The following PPARD variants were observed in gnomAD, a reference collection of about 807,000 sequenced individuals.
PPARD encodes peroxisome proliferator-activated receptor delta.
PPARD carries 6 observed loss-of-function variants against 39.5 expected under a neutral mutation model. That is an observed-to-expected ratio of 0.15 (90% CI 0.08 to 0.30). The LOEUF (loss-of-function observed/expected upper bound fraction) is 0.30, where lower values mean the gene tolerates loss of function less well. Among genes scored for constraint, PPARD ranks in the 10% least tolerant of loss-of-function variants. PPARD has a pLI of 1.00. For missense variants in PPARD, 397 were observed against 596.8 expected, an observed-to-expected ratio of 0.67 and a Z score of 3.49; for synonymous variants, 210 against 231.3, an observed-to-expected ratio of 0.91 and a Z score of 0.83.
intron 2 of PPARD, among the ~76,000 whole-genome samples, chr6:35,402,229 C>G (rs767936844): frequency 1.3e-5 from 2 of 152,210 alleles, no homozygotes; most frequent in Non-Finnish European, 2.9e-5. Flanking sequence ...GAGAAAAGTA[C>G]CCTTAACATT....
intron 2 of PPARD, among the ~76,000 whole-genome samples, chr6:35,349,702 A>G (rs1189240312): frequency 6.7e-6 from 1 of 150,234 alleles, no homozygotes; most frequent in Admixed American, 6.6e-5. Flanking sequence ...TTTTTAATTT[A>G]ATGGGTACAT....
At chr6:35,377,723 G>A (rs1299880007) in intron 2 of PPARD, among the ~76,000 whole-genome samples, 2 of 152,044 alleles carry the variant, frequency 1.3e-5, no homozygotes, top group Non-Finnish European at 2.9e-5. Flanking sequence ...AGGCCTCTGC[G>A]CAATTGCACT....
intron 2 of PPARD, among the ~76,000 whole-genome samples, chr6:35,406,676 G>C (rs1428924631): frequency 6.6e-6 from 1 of 152,116 alleles, no homozygotes; most frequent in Non-Finnish European, 1.5e-5. Flanking sequence ...TAGAGACCCT[G>C]GTCCCAAATT....
intron 2 of PPARD, among the ~76,000 whole-genome samples, chr6:35,360,268 G>T (rs1761859062): frequency 6.6e-6 from 1 of 152,136 alleles, no homozygotes; most frequent in South Asian, 2.1e-4. Flanking sequence ...AAAAATCTCT[G>T]CTGTGATTAA....
intron 2 of PPARD, among the ~76,000 whole-genome samples, chr6:35,385,405 G>T (rs1265931648): frequency 2.0e-5 from 3 of 150,132 alleles, no homozygotes; most frequent in Non-Finnish European, 3.0e-5. Flanking sequence ...GGTGCAAGAT[G>T]TGCTTTGTTA....
intron 3 of PPARD, among the ~76,000 whole-genome samples, chr6:35,415,282 C>T (rs1581659101): frequency 6.6e-6 from 1 of 152,210 alleles, no homozygotes; most frequent in Non-Finnish European, 1.5e-5. Flanking sequence ...AGTAACCCAG[C>T]CTCAAATCCC....
intron 2 of PPARD, among the ~76,000 whole-genome samples, chr6:35,382,890 T>G (rs968669072): frequency 2.6e-5 from 4 of 152,210 alleles, no homozygotes; most frequent in Non-Finnish European, 5.9e-5. Flanking sequence ...TCAGTATGTG[T>G]TGTTGTTATT....
In PPARD at chr6:35,427,587, G is replaced by C. The variant is rs1282609598; in HGVS notation, c.*1508G>C. The C allele has an allele frequency of 6.6e-6, 1 of 152,446 alleles. No homozygotes were observed. Among genetic ancestry groups the C allele is most frequent in the Non-Finnish European group, 1.5e-5 (1 of 68,232 alleles). 9.4% of individuals were successfully genotyped at this position (152,446 alleles called of 1,614,324 possible). A position where few individuals can be genotyped will look rare whatever the true frequency, so the allele number is the denominator to read the frequency against. ...TTGTGGGACCAGTCCCACACCGCTG[G>C]TCCCTGCCCTCCCCTGCTCCCAGGT... On this transcript the variant is annotated 3_prime_UTR_variant, in exon 8 of 8. Transcript: ENST00000360694.
chr6:35,384,330 G>A (rs1336803186), intron 2 of PPARD, among the ~76,000 whole-genome samples: 8 of 137,794 alleles, frequency 5.8e-5, no homozygotes, highest in African/African-American at 1.7e-4. Flanking sequence ...CCTCCCGCCC[G>A]GCCAGCCGCC....
chr6:35,384,448 C>A (rs1413562902), intron 2 of PPARD, among the ~76,000 whole-genome samples: 1 of 110,742 alleles, frequency 9.0e-6, no homozygotes, highest in Non-Finnish European at 1.8e-5. Context: ...CGGGGTCAGC[C>A]CCCCGCCCGG....
At chr6:35,386,513 A>C (rs1319540410) in intron 2 of PPARD, among the ~76,000 whole-genome samples, 1 of 151,938 alleles carries the variant, frequency 6.6e-6, no homozygotes, top group Non-Finnish European at 1.5e-5. Context: ...ACAAACAAAT[A>C]CTTGGTTCAT....
chr6:35,345,338 T>C (rs1792107139), intron 1 of PPARD, among the ~76,000 whole-genome samples: 1 of 152,164 alleles, frequency 6.6e-6, no homozygotes, highest in African/African-American at 2.4e-5. Flanking sequence ...CAGGCTGGAG[T>C]GCAGTGGTGC....
chr6:35,413,538 C>G (rs1462014979), intron 3 of PPARD, among the ~76,000 whole-genome samples: 1 of 152,108 alleles, frequency 6.6e-6, no homozygotes, highest in Non-Finnish European at 1.5e-5. Context: ...GCCTGAAATC[C>G]CGACAGGTTT....
At chr6:35,369,657 T>C (rs761113431) in intron 2 of PPARD, among the ~76,000 whole-genome samples, 2 of 152,250 alleles carry the variant, frequency 1.3e-5, no homozygotes, top group Non-Finnish European at 2.9e-5. Context: ...AATTTGAATA[T>C]AGTTTTCAAG....
At position 35,355,101 on chromosome 6, in the gene PPARD, A is replaced by T. The variant is rs570239452; in HGVS notation, c.-102+7951A>T. On this transcript the variant is annotated intron_variant, in intron 2 of 7. Coordinates refer to ENST00000360694, the MANE Select transcript of PPARD (RefSeq NM_006238.5). ...CCAGCCCAGATTTACAGGCTTGGGC[A>T]TAGGGAGCCCAGCCTCAGCCTGGGA... is the stretch of plus-strand genomic sequence containing the variant. Among the ~76,000 whole-genome samples, 471 of 152,276 alleles carry T rather than the reference A, an allele frequency of 3.1e-3. 7 individuals are homozygous for T. The highest frequency in any genetic ancestry group is 0.011 in the African/African-American group (452 of 41,554).
At chr6:35,373,501 A>G (rs1413316197) in intron 2 of PPARD, among the ~76,000 whole-genome samples, 6 of 152,058 alleles carry the variant, frequency 3.9e-5, no homozygotes, top group South Asian at 4.1e-4. Context: ...AACATTTCCA[A>G]TGTTGCCTCC....
chr6:35,399,354 C>T (rs1364686353), intron 2 of PPARD, among the ~76,000 whole-genome samples: 1 of 137,256 alleles, frequency 7.3e-6, no homozygotes, highest in Non-Finnish European at 1.5e-5. Flanking sequence ...GAGCTGAGAT[C>T]GTGCCACTAT....
At chr6:35,413,473 G>C (rs1049214721) in intron 3 of PPARD, among the ~76,000 whole-genome samples, 1 of 152,146 alleles carries the variant, frequency 6.6e-6, no homozygotes, top group African/African-American at 2.4e-5. Context: ...AATTCTACAA[G>C]ACAAGCAACC....
In PPARD at chr6:35,425,614, G is replaced by T. The variant is rs776384470; in HGVS notation, c.1079-218G>T. Among the ~76,000 whole-genome samples, 2 of 152,180 alleles carry T rather than the reference G, an allele frequency of 1.3e-5. No individual in the cohort carries two copies. The highest frequency in any genetic ancestry group is 2.4e-5 in the African/African-American group (1 of 41,450). ...CCACAATACTACGTTGCCTAATCGG[G>T]GGGGAGGTGGGGACAAATTGGCAAA... is the stretch of plus-strand genomic sequence containing the variant. On this transcript the variant is annotated intron_variant, in intron 7 of 7. Transcript: ENST00000360694. This position sits in a 1 kb window ranked among gnomAD's most constrained non-coding sequence, Gnocchi z 4.5.
Sources: gnomAD v4.1 joint callset for allele counts (sites outside exome capture counted in the v4.1 genomes callset) on GRCh38, gnomAD v4.1.1 for gene constraint, Gnocchi (gnomAD v3.1) non-coding constraint, MANE v1.5 for transcripts, NCBI Gene and HGNC (gene_info 2026-07-23, HGNC 2026-07-21) for gene names.